SLC2A9: variants seen among roughly 807,000 people sequenced by gnomAD.
The protein encoded by SLC2A9 is solute carrier family 2 member 9.
SLC2A9 carries 39 observed loss-of-function variants against 50.6 expected under a neutral mutation model. The ratio of observed to expected loss-of-function variants is 0.77; its 90% CI spans 0.60 to 1.01. SLC2A9 has a LOEUF of 1.01. Ranked by LOEUF, SLC2A9 falls within the 50% of genes least tolerant of loss-of-function variation. The probability of loss-of-function intolerance (pLI) is 0.00; values close to 1 mark genes in which losing one functional copy is unlikely to be tolerated. For synonymous variants in SLC2A9, 324 were observed against 276.9 expected (o/e 1.17, Z -1.69); for missense variants, 686 against 677.6 (o/e 1.01, Z -0.14).
At chr4:9,798,457 G>A (rs1459941193), downstream of SLC2A9, among the ~76,000 whole-genome samples, 1 of 152,170 alleles carries the variant, frequency 6.6e-6, no homozygotes, top group Middle Eastern at 3.2e-3. Context: ...CCAAATCATA[G>A]TAGCAATCAT....
At chr4:9,827,995 A>G (rs1308676505) in intron 11 of SLC2A9, among the ~76,000 whole-genome samples, 1 of 152,220 alleles carries the variant, frequency 6.6e-6, no homozygotes, top group East Asian at 1.9e-4. Flanking sequence ...AGATATATCA[A>G]TTTTGCATTC....
chr4:9,812,106 T>G (rs1722969416), intron 3 of SLC2A9, among the ~76,000 whole-genome samples: 1 of 152,234 alleles, frequency 6.6e-6, no homozygotes, highest in Non-Finnish European at 1.5e-5. Flanking sequence ...ATTCATTTGT[T>G]GAGTGTGTTA....
intron 10 of SLC2A9, among the ~76,000 whole-genome samples, chr4:9,857,531 G>A (rs1276923241): frequency 1.3e-5 from 2 of 152,198 alleles, no homozygotes; most frequent in Non-Finnish European, 2.9e-5. Context: ...GGCATCCCTG[G>A]CAGAGGCTTT....
At chr4:9,935,790 G>A (rs1162519925) in intron 6 of SLC2A9, among the ~76,000 whole-genome samples, 4 of 152,112 alleles carry the variant, frequency 2.6e-5, no homozygotes, top group African/African-American at 9.7e-5. Context: ...AAACCTGATG[G>A]GTCCCAGGAC....
At chr4:9,778,813 T>C (rs1031921472), downstream of SLC2A9, among the ~76,000 whole-genome samples, 7 of 152,092 alleles carry the variant, frequency 4.6e-5, no homozygotes, top group African/African-American at 1.4e-4. Flanking sequence ...TTTCTTTTTT[T>C]TTCTTTCTTT....
Position 9,799,798 on chromosome 4 carries a change from T to C in SLC2A9, n.421-557A>G, listed in dbSNP as rs568223924. The stretch of plus-strand genomic sequence containing the variant: ...GTGTTATGGTACCAGGAGTGGGCAG[T>C]GGCCAAAACACAAACCCTAAAATAT... On this transcript the variant is annotated intron_variant and non_coding_transcript_variant, in intron 3 of 3. Transcript: ENST00000503280. Among the ~76,000 whole-genome samples the C allele has an allele frequency of 3.4e-5, 5 of 145,206 alleles. No homozygotes were observed. The East Asian group carries it at 1.0e-3, about 30-fold the overall frequency.
At chr4:9,990,072 G>A (rs918462063) in intron 3 of SLC2A9, among the ~76,000 whole-genome samples, 3 of 152,110 alleles carry the variant, frequency 2.0e-5, no homozygotes, top group Non-Finnish European at 4.4e-5. Flanking sequence ...GGCACAGTCT[G>A]CATGCTTGTT....
At chr4:10,005,702 A>G (rs2109373111) in intron 2 of SLC2A9, among the ~76,000 whole-genome samples, 1 of 152,332 alleles carries the variant, frequency 6.6e-6, no homozygotes, top group Middle Eastern at 3.4e-3. Flanking sequence ...AAAGCAAAGG[A>G]AGCTTAAGAA....
intron 2 of SLC2A9, among the ~76,000 whole-genome samples, chr4:10,016,797 A>C (rs1207904628): frequency 1.3e-5 from 2 of 152,160 alleles, no homozygotes; most frequent in African/African-American, 2.4e-5. Flanking sequence ...ATTTTAATTA[A>C]AAAAATGTGA....
chr4:10,039,234 C>T (rs555832660), intron 1 of SLC2A9, among the ~76,000 whole-genome samples: 8 of 152,152 alleles, frequency 5.3e-5, no homozygotes, highest in South Asian at 4.1e-4. Context: ...GTGTAAGTGC[C>T]GCACACACTT....
Position 10,000,879 on chromosome 4 carries a change from C to T in SLC2A9, c.250-3938G>A, listed in dbSNP as rs186341191. On this transcript the variant is annotated intron_variant, in intron 2 of 11. Transcript: ENST00000264784. ...TCTCCAGTTGCTCAGCCAAAAACCA[C>T]GAAGTCATTCTTAACTCCTGCCCTT... is the stretch of plus-strand genomic sequence containing the variant. Among the ~76,000 whole-genome samples the T allele has an allele frequency of 1.6e-3, 248 of 152,248 alleles. 1 individual carries two copies. The Middle Eastern group carries it at 0.017, about 10-fold the overall frequency.
intron 9 of SLC2A9, among the ~76,000 whole-genome samples, chr4:9,889,783 A>T (rs1264030859): frequency 6.6e-6 from 1 of 152,230 alleles, no homozygotes; most frequent in African/African-American, 2.4e-5. Flanking sequence ...CCATGGCACC[A>T]AGATGAGTTG....
At chr4:9,787,795 A>G (rs1023553170) in intron 3 of SLC2A9, among the ~76,000 whole-genome samples, 5 of 152,120 alleles carry the variant, frequency 3.3e-5, no homozygotes, top group African/African-American at 1.2e-4. Context: ...TCTGTCATGT[A>G]TGTTGGGCAG....
chr4:10,022,532 A>G (rs139998297), upstream of SLC2A9, among the ~76,000 whole-genome samples: 547 of 152,304 alleles, frequency 3.6e-3, 2 homozygotes, highest in African/African-American at 0.012. Flanking sequence ...GTTGCCTCAG[A>G]CGCCAGAGAA....
intron 10 of SLC2A9, among the ~76,000 whole-genome samples, chr4:9,881,389 G>A (rs1735186046): frequency 2.0e-5 from 3 of 152,164 alleles, no homozygotes; most frequent in Non-Finnish European, 2.9e-5. Context: ...TTTAAGGTTC[G>A]TTTGACATGA....
intron 2 of SLC2A9, among the ~76,000 whole-genome samples, chr4:10,011,364 C>A (rs934965714): frequency 6.6e-6 from 1 of 152,148 alleles, no homozygotes; most frequent in African/African-American, 2.4e-5. Context: ...CTCCATCCAG[C>A]CCTTAACAAC....
intron 3 of SLC2A9, chr4:9,783,557 T>C: frequency 8.4e-7 from 1 of 1,184,742 alleles, no homozygotes. Flanking sequence ...CCAGTGCTGC[T>C]CCCTTTATCA....
At chr4:9,951,318 AGAT>A (rs1261466852) in intron 5 of SLC2A9, among the ~76,000 whole-genome samples, 1 of 152,220 alleles carries the variant, frequency 6.6e-6, no homozygotes, top group Non-Finnish European at 1.5e-5. Context: ...GAGAGTGTAA[AGAT>A]AGATAACAGA....
At chr4:9,947,479 AAT>A (rs1325484916) in intron 5 of SLC2A9, among the ~76,000 whole-genome samples, 2 of 152,126 alleles carry the variant, frequency 1.3e-5, no homozygotes. Context: ...TTAGTGTATT[AAT>A]ATTAATCATG....
Sources: allele counts gnomAD v4.1 joint callset (sites outside exome capture counted in the v4.1 genomes callset), GRCh38; gene constraint gnomAD v4.1.1; transcripts MANE v1.5; gene names NCBI Gene and HGNC (gene_info 2026-07-23, HGNC 2026-07-21).